The following ZCCHC7 variants were observed in gnomAD, a reference collection of about 807,000 sequenced individuals.
ZCCHC7 encodes the protein zinc finger CCHC-type containing 7.
A neutral mutation model predicts 52.0 loss-of-function variants in ZCCHC7; 35 were observed. The observed-to-expected ratio is 0.67, with a 90% CI of 0.51 to 0.89. The LOEUF (loss-of-function observed/expected upper bound fraction) is 0.89, where lower values mean the gene tolerates loss of function less well. Ranked by LOEUF, ZCCHC7 falls within the 40% of genes least tolerant of loss-of-function variation. The probability of loss-of-function intolerance (pLI) is 0.00; values close to 1 mark genes in which losing one functional copy is unlikely to be tolerated. For missense variants in ZCCHC7, 574 were observed against 649.1 expected, an observed-to-expected ratio of 0.88 and a Z score of 1.26; for synonymous variants, 217 against 221.5, an observed-to-expected ratio of 0.98 and a Z score of 0.18.
intron 2 of ZCCHC7, among the ~76,000 whole-genome samples, chr9:37,227,918 C>T (rs1449389344): frequency 6.6e-6 from 1 of 152,114 alleles, no homozygotes. Flanking sequence ...GCCTCAGCCT[C>T]CTGAGTATCT....
intron 1 of ZCCHC7, among the ~76,000 whole-genome samples, chr9:37,125,733 A>G (rs1842513642): frequency 6.6e-6 from 1 of 152,094 alleles, no homozygotes; most frequent in African/African-American, 2.4e-5. Context: ...GTAGATCTCA[A>G]TTTGTTTTTC....
At chr9:37,243,882 A>G (rs1825973722) in intron 2 of ZCCHC7, among the ~76,000 whole-genome samples, 1 of 151,898 alleles carries the variant, frequency 6.6e-6, no homozygotes, top group South Asian at 2.1e-4. Context: ...AGAGCATCGC[A>G]CAGTGGATTT....
At chr9:37,150,305 A>C (rs567900140) in intron 2 of ZCCHC7, among the ~76,000 whole-genome samples, 40 of 152,230 alleles carry the variant, frequency 2.6e-4, no homozygotes, top group Non-Finnish European at 5.0e-4. Flanking sequence ...CAAGGTTCCA[A>C]ATATTTTGAG....
At chr9:37,332,364 T>C (rs1588683093) in intron 6 of ZCCHC7, among the ~76,000 whole-genome samples, 1 of 151,616 alleles carries the variant, frequency 6.6e-6, no homozygotes, top group East Asian at 1.9e-4. Flanking sequence ...AAGATTTTTT[T>C]TTTGAATAAG....
intron 2 of ZCCHC7, among the ~76,000 whole-genome samples, chr9:37,172,474 T>C (rs1821781939): frequency 6.6e-6 from 1 of 152,246 alleles, no homozygotes; most frequent in African/African-American, 2.4e-5. Flanking sequence ...CAAAATAATA[T>C]TTATGGACCA....
chr9:37,338,794 A>T (rs1403576621), intron 6 of ZCCHC7, among the ~76,000 whole-genome samples: 5 of 151,762 alleles, frequency 3.3e-5, no homozygotes, highest in Admixed American at 1.3e-4. Context: ...TTTTCTTTTT[A>T]AACAGAGAAA....
At chr9:37,318,640 T>C (rs1397434346) in intron 5 of ZCCHC7, among the ~76,000 whole-genome samples, 1 of 152,020 alleles carries the variant, frequency 6.6e-6, no homozygotes, top group Non-Finnish European at 1.5e-5. Context: ...GGGCCCTGTG[T>C]GGTGGCTCAC....
At chr9:37,341,485 A>C (rs1254896061) in intron 6 of ZCCHC7, among the ~76,000 whole-genome samples, 1 of 152,142 alleles carries the variant, frequency 6.6e-6, no homozygotes, top group African/African-American at 2.4e-5. Flanking sequence ...CAGTGAACAA[A>C]AACAGACAAA....
chr9:37,160,347 T>G (rs10973235), intron 2 of ZCCHC7: 4,036 of 152,236 alleles, frequency 0.027, 64 homozygotes, highest in Non-Finnish European at 0.037. Context: ...TCATCTCTAC[T>G]AAAAATAAAA....
At chr9:37,324,517 C>T (rs143468386) in intron 5 of ZCCHC7, among the ~76,000 whole-genome samples, 1 of 152,316 alleles carries the variant, frequency 6.6e-6, no homozygotes, top group East Asian at 1.9e-4. Context: ...AGGTCATGGC[C>T]TTCACTGTCT....
At chr9:37,194,987 C>T (rs1423507476) in intron 2 of ZCCHC7, among the ~76,000 whole-genome samples, 14 of 147,668 alleles carry the variant, frequency 9.5e-5, no homozygotes, top group African/African-American at 3.5e-4. Flanking sequence ...CACTCTATTG[C>T]CCAGGCTAGA....
chr9:37,219,405 A>G (rs1824695214), intron 2 of ZCCHC7, among the ~76,000 whole-genome samples: 1 of 152,224 alleles, frequency 6.6e-6, no homozygotes, highest in Admixed American at 6.5e-5. Flanking sequence ...TCGCTCACTA[A>G]TTTTATACCT....
intron 6 of ZCCHC7, among the ~76,000 whole-genome samples, chr9:37,336,616 CTT>C (rs752183256): frequency 1.9e-4 from 29 of 151,992 alleles, no homozygotes; most frequent in South Asian, 1.0e-3. Flanking sequence ...TGGTTCTATT[CTT>C]TTATAATTTT....
intron 2 of ZCCHC7, among the ~76,000 whole-genome samples, chr9:37,294,905 A>C (rs2133654603): frequency 6.6e-6 from 1 of 152,296 alleles, no homozygotes; most frequent in Admixed American, 6.5e-5. Flanking sequence ...AAATATAGAT[A>C]AGATGCTTTC....
chr9:37,177,103 A>T (rs1440348735), intron 2 of ZCCHC7, among the ~76,000 whole-genome samples: 1 of 152,162 alleles, frequency 6.6e-6, no homozygotes, highest in African/African-American at 2.4e-5. Flanking sequence ...GCACTTTGGG[A>T]GGCCAGGGTG....
intron 2 of ZCCHC7, among the ~76,000 whole-genome samples, chr9:37,260,310 T>A (rs1181248585): frequency 6.6e-6 from 1 of 152,228 alleles, no homozygotes; most frequent in Admixed American, 6.5e-5. Flanking sequence ...GGCCACTGCC[T>A]TGAGTGCCCT....
At chr9:37,344,021 A>C (rs565803080) in intron 6 of ZCCHC7, among the ~76,000 whole-genome samples, 1 of 152,310 alleles carries the variant, frequency 6.6e-6, no homozygotes, top group African/African-American at 2.4e-5. Flanking sequence ...CCATTAAAAA[A>C]TGTAAAACCA....
At chr9:37,265,495 T>A (rs1038380553) in intron 2 of ZCCHC7, among the ~76,000 whole-genome samples, 6 of 152,214 alleles carry the variant, frequency 3.9e-5, no homozygotes, top group African/African-American at 1.4e-4. Flanking sequence ...TGATTTTAGC[T>A]TGTTTTGATT....
At position 37,304,239 on chromosome 9, in the gene ZCCHC7, T is replaced by G. The variant is rs138176259; in HGVS notation, c.706T>G (p.Ser236Ala). Residue 236 changes from serine (S) to alanine (A), a missense_variant, in exon 4 of 9, where the codon TCA (serine) becomes GCA (alanine). By Grantham distance (99) the Ser-to-Ala change is moderately conservative. This residue lies in a region of ZCCHC7 where 403 missense variants were observed against 461.2 expected (regional missense o/e 0.87). Coordinates refer to ENST00000336755, the MANE Select transcript of ZCCHC7 (RefSeq NM_032226.3). ...TGGAAGATGGACCCAGCGGTACTAT[T>G]CAGCCAACAAAAACATTATCTGTAG... ...TPGRWTQRYY[S>A]ANKNIICRNC... is the part of the protein sequence containing the mutation. 4,940 of 1,614,092 alleles carry G rather than the reference T, an allele frequency of 3.1e-3. 10 individuals are homozygous for G. Among genetic ancestry groups the G allele is most frequent in the Non-Finnish European group, 3.7e-3 (4,312 of 1,179,942 alleles).
Sources: gnomAD v4.1 joint callset for allele counts (sites outside exome capture counted in the v4.1 genomes callset) on GRCh38, gnomAD v4.1.1 for gene constraint, gnomAD v4.1.1 regional missense constraint, MANE v1.5 for transcripts, NCBI Gene and HGNC (gene_info 2026-07-23, HGNC 2026-07-21) for gene names.